The following CLEC10A variants were observed in gnomAD, a reference collection of about 807,000 sequenced individuals.
CLEC10A encodes the protein C-type lectin domain family 10 member A.
Under a neutral mutation model 42.0 loss-of-function variants are expected in CLEC10A, and 38 were observed. That is an observed-to-expected ratio of 0.90 (90% CI 0.70 to 1.18). The LOEUF (loss-of-function observed/expected upper bound fraction) is 1.18, where lower values mean the gene tolerates loss of function less well. Ranked by LOEUF, CLEC10A falls within the 50% of genes most tolerant of loss-of-function variation. The pLI, the probability that CLEC10A is intolerant of heterozygous loss-of-function variation, is 0.00. For missense variants in CLEC10A, 298 were observed against 345.9 expected, an observed-to-expected ratio of 0.86 and a Z score of 1.10; for synonymous variants, 126 against 139.9, an observed-to-expected ratio of 0.90 and a Z score of 0.70.
At chr17:7,077,437 C>A in intron 3 of CLEC10A, among the ~76,000 whole-genome samples, 1 of 138,536 alleles carries the variant, frequency 7.2e-6, no homozygotes, top group East Asian at 2.1e-4. Context: ...TCACCATTCC[C>A]ATCGATCACT....
Position 7,076,990 on chromosome 17 carries a change from A to C in CLEC10A, c.185-3T>G. On this transcript the variant is annotated splice_polypyrimidine_tract_variant and splice_region_variant and intron_variant, in intron 3 of 8. Transcript: ENST00000416562. Reference sequence around the variant, plus strand: ...CAGGTCCCTCTGAAATTTGGAATCTAAACAGGTGGATGGGAAGGTCAGTGC... The same window carrying C: ...CAGGTCCCTCTGAAATTTGGAATCTCAACAGGTGGATGGGAAGGTCAGTGC... 1 of 1,604,844 alleles carries C rather than the reference A, an allele frequency of 6.2e-7. No homozygotes were observed. Among genetic ancestry groups the C allele is most frequent in the South Asian group, 1.1e-5 (1 of 90,858 alleles).
intron 1 of CLEC10A, among the ~76,000 whole-genome samples, chr17:7,079,444 G>A (rs953478581): frequency 1.3e-5 from 2 of 152,048 alleles, no homozygotes; most frequent in Non-Finnish European, 2.9e-5. Context: ...TTAGCTGGGT[G>A]TGGTGGTGTG....
chr17:7,078,685 G>A, intron 2 of CLEC10A, 61 bp downstream of exon 2: 3 of 1,522,590 alleles, frequency 2.0e-6, no homozygotes, highest in Non-Finnish European at 2.7e-6. Context: ...AGAAATGATA[G>A]GAGAAATCCT....
In CLEC10A at chr17:7,076,767, A is replaced by G; in HGVS notation, c.318T>C (p.Ala106=). 1 of 1,613,398 alleles carries G rather than the reference A, an allele frequency of 6.2e-7. No homozygotes were observed. Among genetic ancestry groups the G allele is most frequent in the Non-Finnish European group, 8.5e-7 (1 of 1,179,852 alleles). ...GTTCCTGCTTGAAACCCTCCACCTC[A>G]GCTTTCAGAGATGCTATCGTTTCTT... ...SLEETIASLK[A]EVEGFKQERQ... Residue 106 remains alanine, a synonymous_variant, in exon 5 of 9, where the codon GCT becomes GCC. Coordinates refer to ENST00000416562, the MANE Select transcript of CLEC10A (RefSeq NM_001330070.2).
rs542047499 is a variant in CLEC10A, at chr17:7,076,081, A to G, written c.353-10T>C. ...AGCATTTCAGAATGAACTGGGACAC[A>G]CACAGATGGGCAGTGGGGACAGTGG... On this transcript the variant is annotated splice_polypyrimidine_tract_variant and intron_variant, in intron 5 of 8. Transcript: ENST00000416562. 3.1e-6 allele frequency: 5 copies of G among 1,614,158 alleles called. No individual in the cohort carries two copies. In the East Asian group the frequency reaches 1.1e-4, roughly 36 times the overall value.
chr17:7,077,943 T>C (rs1282554731), intron 3 of CLEC10A, 54 bp downstream of exon 3: 1 of 1,382,658 alleles, frequency 7.2e-7, no homozygotes, highest in Non-Finnish European at 1.0e-6. Flanking sequence ...CACCCCATTA[T>C]TTATCTTCTA....
At chr17:7,077,280 CCCCCCCACCAT>C (rs1567745389) in intron 3 of CLEC10A, among the ~76,000 whole-genome samples, 1 of 89,412 alleles carries the variant, frequency 1.1e-5, no homozygotes, top group African/African-American at 5.0e-5. Context: ...TCCATCAGTG[CCCCCCCACCAT>C]TCCCATCAAT....
rs1404993047 is a variant in CLEC10A at position 7,076,913 on chromosome 17, T to C, written c.259A>G (p.Ile87Val). The change falls in exon 4 of 9, where the codon ATC (isoleucine) becomes GTC (valine). Residue 87 changes from isoleucine (I) to valine (V), a missense_variant. By Grantham distance (29) the Ile-to-Val change is conservative. This residue lies in a region of CLEC10A where 267 missense variants were observed against 289.5 expected (regional missense o/e 0.92). Coordinates refer to ENST00000416562, the MANE Select transcript of CLEC10A (RefSeq NM_001330070.2). ...SNFTSNTVAE[I>V]QALTSQGSSL... is the part of the protein sequence containing the mutation. The stretch of plus-strand genomic sequence containing the variant: ...TCACCCTGGGAAGTCAGTGCCTGGA[T>C]CTCCGCCACAGTGTTTGAGGTGAAG... 6.2e-7 allele frequency: 1 copy of C among 1,613,898 alleles called. No homozygotes were observed. The highest frequency in any genetic ancestry group is 1.7e-5 in the Admixed American group (1 of 59,974).
chr17:7,075,678 AC>A (rs760524840), intron 7 of CLEC10A, 52 bp downstream of exon 7: 1 of 1,612,974 alleles, frequency 6.2e-7, no homozygotes, highest in Non-Finnish European at 8.5e-7. Flanking sequence ...AAGCTTAAGA[AC>A]CATTTCCCTA....
At chr17:7,077,138 A>C in intron 3 of CLEC10A, 151 bp from the exon 4 acceptor site, 1 of 640,696 alleles carries the variant, frequency 1.6e-6, no homozygotes, top group South Asian at 1.8e-5. Context: ...CCGATGAGGA[A>C]ACTAAGCCTC....
intron 3 of CLEC10A, 83 bp downstream of exon 3, chr17:7,077,914 C>CACCACTGCCCT (rs1911939679): frequency 2.8e-6 from 3 of 1,070,874 alleles, no homozygotes; most frequent in Non-Finnish European, 4.3e-6. Context: ...ACCATCGCCC[C>CACCACTGCCCT]ACCACTGCCC....
At position 7,078,739 on chromosome 17, in the gene CLEC10A, C is replaced by T. The variant is rs1912007483; in HGVS notation, c.67+7G>A. The T allele has an allele frequency of 6.2e-7, 1 of 1,613,404 alleles. No homozygotes were observed. The highest frequency in any genetic ancestry group is 8.5e-7 in the Non-Finnish European group (1 of 1,179,322). ...GCATTTTAGGAGAGTTTCCCCTTTCCTCTTACCATTTTTAAACCCCTGGAC... is the reference window on the plus strand; with the variant it reads ...GCATTTTAGGAGAGTTTCCCCTTTCTTCTTACCATTTTTAAACCCCTGGAC... On this transcript the variant is annotated splice_region_variant and intron_variant, in intron 2 of 8. Coordinates refer to ENST00000416562, the MANE Select transcript of CLEC10A (RefSeq NM_001330070.2).
At chr17:7,076,494 A>C (rs2151685030) in intron 5 of CLEC10A, among the ~76,000 whole-genome samples, 1 of 150,954 alleles carries the variant, frequency 6.6e-6, no homozygotes, top group East Asian at 2.0e-4. Context: ...TATTTTTTTT[A>C]GTAGAGACGG....
chr17:7,077,075 A>G (rs1911805427), intron 3 of CLEC10A, 88 bp from the exon 4 acceptor site: 2 of 923,288 alleles, frequency 2.2e-6, no homozygotes, highest in East Asian at 2.4e-5. Context: ...GCATTGCCTT[A>G]TTGGGTCCTC....
chr17:7,078,969 A>G, intron 1 of CLEC10A, 84 bp from the exon 2 acceptor site: 1 of 703,000 alleles, frequency 1.4e-6, no homozygotes. Flanking sequence ...GTTGAGAATG[A>G]GCCCAGGGTT....
At chr17:7,076,663 G>C in intron 5 of CLEC10A, 70 bp downstream of exon 5, 1 of 1,533,268 alleles carries the variant, frequency 6.5e-7, no homozygotes, top group Admixed American at 1.7e-5. Flanking sequence ...TTCAGCACCA[G>C]GAGTCTGTTC....
chr17:7,079,158 T>C (rs1427388174), intron 1 of CLEC10A, among the ~76,000 whole-genome samples: 4 of 152,100 alleles, frequency 2.6e-5, no homozygotes, highest in Admixed American at 1.3e-4. Flanking sequence ...GTATGCACGT[T>C]GGAGCCATGG....
chr17:7,075,733 G>A lies in CLEC10A; in HGVS notation c.592C>T (p.Gln198Ter). 1 of 1,614,204 alleles carries A rather than the reference G, an allele frequency of 6.2e-7. No individual in the cohort carries two copies. The highest frequency in any genetic ancestry group is 1.3e-5 in the African/African-American group (1 of 75,044). ...HLVVINSREEQNFVQKYLGSA... is the reference protein window; with the variant it reads ...HLVVINSREE ...AACTGAGTACCAGAAGCCCTCACCT[G>A]CTCCTCCCTGGAGTTGATGACCACC... Residue 198 changes from glutamine (Q) to a stop codon, truncating the protein, a stop_gained and splice_region_variant, in exon 7 of 9, where the codon CAG (glutamine) becomes TAG (stop). Transcript: ENST00000416562. LOFTEE classifies it high-confidence loss of function.
chr17:7,074,685 G>C lies in CLEC10A; in HGVS notation c.*369C>G, dbSNP rs1911610811. 6.0e-6 allele frequency: 1 copy of C among 166,490 alleles called. No homozygotes were observed. The allele number at this position is 166,490 out of a possible 1,614,324, so 10.3% of individuals were successfully genotyped here. A position where few individuals can be genotyped will look rare whatever the true frequency, so the allele number is the denominator to read the frequency against. On this transcript the variant is annotated 3_prime_UTR_variant, in exon 9 of 9. Transcript: ENST00000416562. The stretch of plus-strand genomic sequence containing the variant: ...AGATCACTGGCCTGGAAACAGGGAA[G>C]TGGTTGGACTGCCCAGAGGCATGAG...
Sources: gnomAD v4.1 joint callset for allele counts (sites outside exome capture counted in the v4.1 genomes callset) on GRCh38, gnomAD v4.1.1 for gene constraint, gnomAD v4.1.1 regional missense constraint, MANE v1.5 for transcripts, NCBI Gene and HGNC (gene_info 2026-07-23, HGNC 2026-07-21) for gene names.